The following SLC30A10 variants were observed in gnomAD, a reference collection of about 807,000 sequenced individuals.
SLC30A10 encodes the protein calcium/manganese antiporter SLC30A10.
Under a neutral mutation model 21.7 loss-of-function variants are expected in SLC30A10, and 8 were observed. That is an observed-to-expected ratio of 0.37 (90% CI 0.22 to 0.67). SLC30A10 has a LOEUF of 0.67. Ranked by LOEUF, SLC30A10 falls within the 30% of genes least tolerant of loss-of-function variation. SLC30A10 has a pLI of 0.58. For missense variants in SLC30A10, 521 were observed against 642.5 expected, an observed-to-expected ratio of 0.81 and a Z score of 2.04; for synonymous variants, 272 against 279.4, an observed-to-expected ratio of 0.97 and a Z score of 0.26.
upstream of SLC30A10, among the ~76,000 whole-genome samples, chr1:219,933,594 T>C (rs1487504581): frequency 6.6e-6 from 1 of 152,160 alleles, no homozygotes; most frequent in Non-Finnish European, 1.5e-5. Flanking sequence ...GTCATGAGAC[T>C]TAAGTGGGAA....
intron 1 of SLC30A10, among the ~76,000 whole-genome samples, chr1:219,934,320 G>A (rs948271642): frequency 4.6e-5 from 7 of 151,694 alleles, no homozygotes; most frequent in East Asian, 1.9e-4. Flanking sequence ...AAAATTAGCC[G>A]GGCATGGTGG....
In SLC30A10 at chr1:219,914,634, AAGCACTAAATGAAAAC is replaced by A. The variant is rs1271630174; in HGVS notation, c.*799_*814del. 6.6e-6 allele frequency: 1 copy of A among 152,228 alleles called. No homozygotes were observed. The highest frequency in any genetic ancestry group is 2.4e-5 in the African/African-American group (1 of 41,460). 9.4% of individuals were successfully genotyped at this position (152,228 alleles called of 1,614,324 possible). ...TGGAAAAATAAGTAAATCATTATCAAAGCACTAAATGAAAACAGCTCCAACTATACTGACTCTAAAA... is the reference window on the plus strand; with the variant it reads ...TGGAAAAATAAGTAAATCATTATCAAAGCTCCAACTATACTGACTCTAAAA... On this transcript the variant is annotated 3_prime_UTR_variant, in exon 4 of 4. Transcript: ENST00000366926.
At chr1:219,943,824 G>T (rs974742270) in intron 1 of SLC30A10, among the ~76,000 whole-genome samples, 20 of 152,208 alleles carry the variant, frequency 1.3e-4, no homozygotes, top group Admixed American at 1.1e-3. Context: ...GGGAGGCCAG[G>T]CGCGGTGGCT....
At chr1:219,956,497 C>T (rs914130544) in intron 1 of SLC30A10, among the ~76,000 whole-genome samples, 2 of 121,764 alleles carry the variant, frequency 1.6e-5, no homozygotes, top group Non-Finnish European at 3.8e-5. Flanking sequence ...AAGCTAGATA[C>T]TCTAGAATTA....
intron 1 of SLC30A10, among the ~76,000 whole-genome samples, 163 bp downstream of exon 1, chr1:219,927,638 T>TAAAAAAAAAAACAAAAAAAAAAAAA (rs1659863028): frequency 1.9e-5 from 1 of 53,404 alleles, no homozygotes; most frequent in African/African-American, 5.6e-5. Context: ...ATGGATTTAT[T>TAAAAAAAAAAACAAAAAAAAAAAAA]AAAAAAAAAA....
intron 1 of SLC30A10, among the ~76,000 whole-genome samples, chr1:219,945,782 A>G (rs1009193220): frequency 2.6e-5 from 4 of 152,246 alleles, no homozygotes; most frequent in African/African-American, 9.6e-5. Flanking sequence ...ATATGATTAC[A>G]AAACTGAAGA....
Position 219,911,762 on chromosome 1 carries a change from G to A in SLC30A10, c.*3687C>T, listed in dbSNP as rs1659420468. ...AAAAAGACTATGGGACTTTGGAGAG[G>A]CTTTCATTAACATTGTCCCTAAACT... On this transcript the variant is annotated 3_prime_UTR_variant, in exon 4 of 4. Transcript: ENST00000366926. Among the ~76,000 whole-genome samples, 1 of 152,086 alleles carries A rather than the reference G, an allele frequency of 6.6e-6. No homozygotes were observed. The highest frequency in any genetic ancestry group is 1.5e-5 in the Non-Finnish European group (1 of 68,022).
intron 1 of SLC30A10, among the ~76,000 whole-genome samples, chr1:219,950,503 G>C (rs889008299): frequency 1.3e-5 from 2 of 152,084 alleles, no homozygotes; most frequent in Non-Finnish European, 2.9e-5. Flanking sequence ...GCCAGGCATG[G>C]TGGCGGGTGC....
intron 1 of SLC30A10, among the ~76,000 whole-genome samples, chr1:219,958,259 C>T (rs892464424): frequency 6.6e-6 from 1 of 152,112 alleles, no homozygotes; most frequent in Non-Finnish European, 1.5e-5. Flanking sequence ...ACCGTCTTTC[C>T]AATCGCTCTC....
rs77152135 is a variant in SLC30A10 at position 219,936,702 on chromosome 1, C to T, written n.81-9597G>A. Among the ~76,000 whole-genome samples the T allele has an allele frequency of 7.2e-3, 1,102 of 152,312 alleles. 3 individuals carry two copies. Among genetic ancestry groups the T allele is most frequent in the Middle Eastern group, 0.02 (6 of 294 alleles). On this transcript the variant is annotated intron_variant and non_coding_transcript_variant, in intron 1 of 8. Transcript: ENST00000484239. ...TAATCCTGTCTTCCCCTGCTTCTTT[C>T]CAATACCCTTCAAACTGCAATAGGA...
chr1:219,912,639 C>A lies in SLC30A10; in HGVS notation c.*2810G>T, dbSNP rs1385339371. On this transcript the variant is annotated 3_prime_UTR_variant, in exon 4 of 4. Transcript: ENST00000366926. Reference sequence around the variant, plus strand: ...CACAAGGTCAGGAGATCGAGACCATCCTGGCTAACATGGTGAAACCCGGTC... The same window carrying A: ...CACAAGGTCAGGAGATCGAGACCATACTGGCTAACATGGTGAAACCCGGTC... 6.6e-6 allele frequency among the ~76,000 whole-genome samples: 1 copy of A among 152,048 alleles called. No homozygotes were observed. Among genetic ancestry groups the A allele is most frequent in the Non-Finnish European group, 1.5e-5 (1 of 68,024 alleles).
rs2102521238 is a variant in SLC30A10 at position 219,911,605 on chromosome 1, T to C, written c.*3844A>G. Among the ~76,000 whole-genome samples the C allele has an allele frequency of 6.6e-6, 1 of 152,224 alleles. No homozygotes were observed. The highest frequency in any genetic ancestry group is 2.4e-5 in the African/African-American group (1 of 41,486). ...GAGTATAAAGGGATTTATAAGGGCTTTTCATTTCAAATTACATTTTTCTTT... is the reference window on the plus strand; with the variant it reads ...GAGTATAAAGGGATTTATAAGGGCTCTTCATTTCAAATTACATTTTTCTTT... On this transcript the variant is annotated 3_prime_UTR_variant, in exon 4 of 4. Transcript: ENST00000366926.
In SLC30A10 at chr1:219,918,510, ACTAC is replaced by A. The variant is rs776839125; in HGVS notation, c.719-20_719-17del. 6.3e-6 allele frequency: 10 copies of A among 1,580,836 alleles called. No homozygotes were observed. The South Asian group carries it at 1.2e-4, about 18-fold the overall frequency. On this transcript the variant is annotated splice_polypyrimidine_tract_variant and intron_variant, in intron 2 of 3. Coordinates refer to ENST00000366926, the MANE Select transcript of SLC30A10 (RefSeq NM_018713.3). The surrounding 1 kb of genome is among the most constrained non-coding windows in gnomAD (Gnocchi z 4.4). ...AAAAGTACACCTGCCAGGAAGAAAG[ACTAC>A]TGCAGCACAGATGCAAATCTGGAAG...
intron 1 of SLC30A10, among the ~76,000 whole-genome samples, chr1:219,957,260 TCATAA>T (rs1354544038): frequency 2.6e-5 from 4 of 152,150 alleles, no homozygotes; most frequent in Admixed American, 6.6e-5. Context: ...ACAGATACTC[TCATAA>T]CATATGTTCT....
chr1:219,937,681 G>A (rs1417031031), intron 1 of SLC30A10, among the ~76,000 whole-genome samples: 3 of 152,224 alleles, frequency 2.0e-5, no homozygotes. Flanking sequence ...AGGCGTGCTG[G>A]TGTGTGCCTT....
In SLC30A10 at chr1:219,911,163, T is replaced by TTTTTTTTTTTTG. The variant is rs1659407190; in HGVS notation, c.*4274_*4285dup. ...TTTCTACATCAGTTTTTTTTTTTTT[T>TTTTTTTTTTTTG]TTTTTTTTTTTGCAGTCTTTTACTA... On this transcript the variant is annotated 3_prime_UTR_variant, in exon 4 of 4. Transcript: ENST00000366926. 1.4e-5 allele frequency among the ~76,000 whole-genome samples: 2 copies of TTTTTTTTTTTTG among 144,874 alleles called. No individual in the cohort carries two copies. Among genetic ancestry groups the TTTTTTTTTTTTG allele is most frequent in the African/African-American group, 5.0e-5 (2 of 40,056 alleles).
intron 1 of SLC30A10, among the ~76,000 whole-genome samples, chr1:219,955,395 A>C (rs1660334716): frequency 6.6e-6 from 1 of 152,222 alleles, no homozygotes; most frequent in African/African-American, 2.4e-5. Flanking sequence ...CCCACCGGCT[A>C]GATCTGGATC....
chr1:219,948,569 C>A (rs1660222811), intron 1 of SLC30A10, among the ~76,000 whole-genome samples: 1 of 152,082 alleles, frequency 6.6e-6, no homozygotes. Flanking sequence ...ATGTAGAAAG[C>A]TGAAACTGGA....
chr1:219,950,368 G>A (rs972161164), intron 1 of SLC30A10, among the ~76,000 whole-genome samples: 1 of 152,202 alleles, frequency 6.6e-6, no homozygotes, highest in Non-Finnish European at 1.5e-5. Context: ...GGCTGGGCGC[G>A]GTGGCTCATG....
Sources: gnomAD v4.1 joint callset for allele counts (sites outside exome capture counted in the v4.1 genomes callset) on GRCh38, gnomAD v4.1.1 for gene constraint, Gnocchi (gnomAD v3.1) non-coding constraint, MANE v1.5 for transcripts, NCBI Gene and HGNC (gene_info 2026-07-23, HGNC 2026-07-21) for gene names.